Variants in MAP1LC3B2 observed in about 807,000 individuals in gnomAD.
The protein encoded by MAP1LC3B2 is microtubule associated protein 1 light chain 3 beta 2, also known as microtubule-associated protein 1 light chain 3 beta 2.
For missense variants in MAP1LC3B2, 155 were observed against 154.6 expected, an observed-to-expected ratio of 1.00 and a Z score of -0.01; for synonymous variants, 62 against 57.8, an observed-to-expected ratio of 1.07 and a Z score of -0.33.
At chr12:116,571,214 T>C (rs961163099) in intron 1 of MAP1LC3B2, among the ~76,000 whole-genome samples, 2 of 152,190 alleles carry the variant, frequency 1.3e-5, no homozygotes, top group African/African-American at 4.8e-5. Flanking sequence ...TAATGGCTTC[T>C]GTGGTTGAGG....
intron 1 of MAP1LC3B2, among the ~76,000 whole-genome samples, chr12:116,562,508 G>A (rs903723848): frequency 3.9e-5 from 6 of 152,194 alleles, no homozygotes; most frequent in Non-Finnish European, 7.3e-5. Flanking sequence ...CAGGGCTGTC[G>A]TCTGATCCAT....
chr12:116,566,108 C>A (rs1869379504), intron 1 of MAP1LC3B2, among the ~76,000 whole-genome samples: 1 of 152,180 alleles, frequency 6.6e-6, no homozygotes, highest in Non-Finnish European at 1.5e-5. Flanking sequence ...CAGTTTATAG[C>A]TCATCGAGAA....
chr12:116,569,931 G>A (rs555403695), intron 1 of MAP1LC3B2, among the ~76,000 whole-genome samples: 3 of 152,246 alleles, frequency 2.0e-5, no homozygotes, highest in Non-Finnish European at 4.4e-5. Flanking sequence ...GCACGCACCT[G>A]TAGTCCCAGC....
intron 1 of MAP1LC3B2, among the ~76,000 whole-genome samples, chr12:116,573,996 G>A (rs1409380037): frequency 6.6e-6 from 1 of 152,164 alleles, no homozygotes; most frequent in African/African-American, 2.4e-5. Context: ...TTACCCATCA[G>A]ATTGGCAAAA....
chr12:116,562,695 A>G (rs1456444082), intron 1 of MAP1LC3B2, among the ~76,000 whole-genome samples: 2 of 152,198 alleles, frequency 1.3e-5, no homozygotes, highest in Non-Finnish European at 2.9e-5. Context: ...TTTGCTCTCC[A>G]TAACTGACAG....
intron 1 of MAP1LC3B2, among the ~76,000 whole-genome samples, chr12:116,560,805 G>A (rs1869251336): frequency 7.4e-6 from 1 of 134,596 alleles, no homozygotes; most frequent in South Asian, 2.5e-4. Context: ...GGGAGACCCT[G>A]TTTCTACAAA....
In MAP1LC3B2 at chr12:116,575,897, G is replaced by A. The variant is rs748038006; in HGVS notation, c.-46G>A. On this transcript the variant is annotated 5_prime_UTR_variant, in exon 2 of 2. Coordinates refer to ENST00000556529, the MANE Select transcript of MAP1LC3B2 (RefSeq NM_001085481.3). Reference sequence around the variant, plus strand: ...GCAGCAGCCGCCACCCCCAGGAGCCGCCGGGACCCTCGCGTCGTCGCCGCC... The same window carrying A: ...GCAGCAGCCGCCACCCCCAGGAGCCACCGGGACCCTCGCGTCGTCGCCGCC... The A allele has an allele frequency of 1.2e-6, 2 of 1,612,032 alleles. No homozygotes were observed. The highest frequency in any genetic ancestry group is 1.7e-6 in the Non-Finnish European group (2 of 1,178,852).
At chr12:116,570,499 T>C (rs1402797730) in intron 1 of MAP1LC3B2, among the ~76,000 whole-genome samples, 2 of 152,306 alleles carry the variant, frequency 1.3e-5, no homozygotes, top group East Asian at 3.9e-4. Flanking sequence ...ATCATTCCCA[T>C]GTGTTGTGGG....
At chr12:116,567,157 G>A (rs1327152354) in intron 1 of MAP1LC3B2, among the ~76,000 whole-genome samples, 1 of 151,766 alleles carries the variant, frequency 6.6e-6, no homozygotes, top group Non-Finnish European at 1.5e-5. Context: ...GATTTAGAGT[G>A]CTGAGAGATG....
At chr12:116,563,295 A>C (rs1306953656) in intron 1 of MAP1LC3B2, among the ~76,000 whole-genome samples, 1 of 150,332 alleles carries the variant, frequency 6.7e-6, no homozygotes, top group Non-Finnish European at 1.5e-5. Flanking sequence ...GTGTAGGTCT[A>C]CCGGTAATAA....
intron 1 of MAP1LC3B2, among the ~76,000 whole-genome samples, chr12:116,570,791 T>G (rs979499022): frequency 2.0e-5 from 3 of 152,196 alleles, no homozygotes; most frequent in Admixed American, 2.0e-4. Flanking sequence ...TAGGCTAAGC[T>G]ATGATGTTTG....
intron 1 of MAP1LC3B2, among the ~76,000 whole-genome samples, chr12:116,559,693 G>A (rs572099173): frequency 1.1e-4 from 16 of 152,310 alleles, no homozygotes; most frequent in Admixed American, 9.8e-4. Context: ...GCAGGGCAGA[G>A]TCCTTTCCAG....
intron 1 of MAP1LC3B2, among the ~76,000 whole-genome samples, chr12:116,570,545 G>C (rs1244600405): frequency 6.6e-6 from 1 of 152,192 alleles, no homozygotes; most frequent in Non-Finnish European, 1.5e-5. Context: ...CATGGGGGCA[G>C]TTTCCCCCAT....
intron 1 of MAP1LC3B2, among the ~76,000 whole-genome samples, chr12:116,567,771 T>A (rs1285247674): frequency 2.0e-5 from 3 of 151,296 alleles, no homozygotes; most frequent in African/African-American, 7.3e-5. Flanking sequence ...AAAAAATATA[T>A]ATATATATGT....
At chr12:116,571,015 CT>C (rs1869515034) in intron 1 of MAP1LC3B2, among the ~76,000 whole-genome samples, 1 of 152,186 alleles carries the variant, frequency 6.6e-6, no homozygotes, top group Non-Finnish European at 1.5e-5. Flanking sequence ...CATGATTTCT[CT>C]GTAATGTGCC....
At chr12:116,572,858 G>A (rs1285921467) in intron 1 of MAP1LC3B2, among the ~76,000 whole-genome samples, 1 of 152,218 alleles carries the variant, frequency 6.6e-6, no homozygotes, top group African/African-American at 2.4e-5. Context: ...GGCTGCTAGG[G>A]AGGGATGGAG....
intron 1 of MAP1LC3B2, among the ~76,000 whole-genome samples, chr12:116,571,148 C>G (rs1215501774): frequency 6.6e-6 from 1 of 152,134 alleles, no homozygotes; most frequent in Admixed American, 6.6e-5. Flanking sequence ...ACCATGTAGT[C>G]CAGCTTTTTC....
intron 1 of MAP1LC3B2, among the ~76,000 whole-genome samples, chr12:116,560,733 G>A (rs572280561): frequency 6.6e-6 from 1 of 151,910 alleles, no homozygotes; most frequent in Non-Finnish European, 1.5e-5. Context: ...TACCTGGGTG[G>A]ACCTCAAATC....
At chr12:116,560,187 GCTATATAT>G (rs1465359641) in intron 1 of MAP1LC3B2, 18 of 81,508 alleles carry the variant, frequency 2.2e-4, no homozygotes, top group South Asian at 3.8e-4. Context: ...GCTAAGTTTG[GCTATATAT>G]ATATATATAT....
Sources: gnomAD v4.1 joint callset for allele counts (sites outside exome capture counted in the v4.1 genomes callset) on GRCh38, gnomAD v4.1.1 for gene constraint, MANE v1.5 for transcripts, NCBI Gene and HGNC (gene_info 2026-07-23, HGNC 2026-07-21) for gene names.